MCTP1: variants seen among roughly 807,000 people sequenced by gnomAD.
The protein encoded by MCTP1 is multiple C2 and transmembrane domain containing 1.
Under a neutral mutation model 120.6 loss-of-function variants are expected in MCTP1, and 69 were observed. That is an observed-to-expected ratio of 0.57 (90% CI 0.47 to 0.70). MCTP1 has a LOEUF of 0.70. Among genes scored for constraint, MCTP1 ranks in the 30% least tolerant of loss-of-function variants. MCTP1 has a pLI of 0.00. For synonymous variants in MCTP1, 529 were observed against 493.1 expected (o/e 1.07, Z -0.96); for missense variants, 1,203 against 1,248.8 (o/e 0.96, Z 0.55).
At chr5:95,257,254 G>A (rs956881178) in intron 1 of MCTP1, among the ~76,000 whole-genome samples, 1 of 152,138 alleles carries the variant, frequency 6.6e-6, no homozygotes, top group Non-Finnish European at 1.5e-5. Context: ...TATGATGAGA[G>A]CTTGTGGGAT....
At chr5:95,097,660 T>C (rs1756374089) in intron 1 of MCTP1, among the ~76,000 whole-genome samples, 1 of 152,208 alleles carries the variant, frequency 6.6e-6, no homozygotes, top group South Asian at 2.1e-4. Flanking sequence ...ACAGCTTAGA[T>C]CACTGGAGAC....
intron 1 of MCTP1, among the ~76,000 whole-genome samples, chr5:95,236,688 A>T (rs1362187854): frequency 6.6e-6 from 1 of 152,206 alleles, no homozygotes; most frequent in Non-Finnish European, 1.5e-5. Flanking sequence ...CAAATAGTAG[A>T]TATGGGCTGA....
At chr5:95,078,081 C>T (rs1013558059) in intron 1 of MCTP1, among the ~76,000 whole-genome samples, 1 of 61,014 alleles carries the variant, frequency 1.6e-5, no homozygotes, top group East Asian at 3.9e-4. Flanking sequence ...TTGCAAGACC[C>T]GAGGAAACAT....
At chr5:95,212,140 A>G (rs1046923234) in intron 1 of MCTP1, among the ~76,000 whole-genome samples, 2 of 152,162 alleles carry the variant, frequency 1.3e-5, no homozygotes, top group South Asian at 4.1e-4. Context: ...AAAGAATAAA[A>G]GAGAGAAAAA....
intron 1 of MCTP1, among the ~76,000 whole-genome samples, chr5:95,108,285 T>C (rs1429194126): frequency 6.6e-6 from 1 of 152,024 alleles, no homozygotes; most frequent in African/African-American, 2.4e-5. Flanking sequence ...GTTACAAGAG[T>C]GGCTAGCCCA....
At chr5:94,846,147 T>C (rs562002469) in intron 17 of MCTP1, among the ~76,000 whole-genome samples, 1 of 152,290 alleles carries the variant, frequency 6.6e-6, no homozygotes, top group Non-Finnish European at 1.5e-5. Flanking sequence ...AATCCCACTA[T>C]TGGGTATATA....
chr5:95,246,388 G>C (rs1174255360), intron 1 of MCTP1, among the ~76,000 whole-genome samples: 2 of 151,724 alleles, frequency 1.3e-5, no homozygotes, highest in African/African-American at 4.8e-5. Context: ...CTGGTAAATA[G>C]GATAAAGAGT....
intron 2 of MCTP1, among the ~76,000 whole-genome samples, chr5:94,995,755 A>T (rs1466156065): frequency 6.6e-6 from 1 of 152,176 alleles, no homozygotes; most frequent in Non-Finnish European, 1.5e-5. Flanking sequence ...AGATTAATAG[A>T]TGCATAAAAA....
intron 18 of MCTP1, among the ~76,000 whole-genome samples, chr5:94,790,494 G>C (rs1385738944): frequency 6.6e-6 from 1 of 152,182 alleles, no homozygotes; most frequent in Non-Finnish European, 1.5e-5. Flanking sequence ...AGCAGCTGTG[G>C]GGTGTGTTGG....
chr5:94,800,616 C>G (rs941034127), intron 17 of MCTP1, among the ~76,000 whole-genome samples: 1 of 152,182 alleles, frequency 6.6e-6, no homozygotes, highest in Non-Finnish European at 1.5e-5. Context: ...CATATCTTGA[C>G]AGAGGTCTAT....
intron 1 of MCTP1, among the ~76,000 whole-genome samples, chr5:95,066,316 T>A (rs1444905570): frequency 6.6e-6 from 1 of 152,150 alleles, no homozygotes; most frequent in East Asian, 1.9e-4. Context: ...TCACTTCAGT[T>A]AGAATGGCTA....
intron 1 of MCTP1, among the ~76,000 whole-genome samples, chr5:95,225,279 TA>T: frequency 6.6e-6 from 1 of 152,292 alleles, no homozygotes; most frequent in Non-Finnish European, 1.5e-5. Flanking sequence ...GCATGGCAGT[TA>T]AAAAATCATT....
intron 20 of MCTP1, among the ~76,000 whole-genome samples, chr5:94,714,344 T>A (rs115641268): frequency 2.2e-3 from 329 of 152,304 alleles, no homozygotes; most frequent in African/African-American, 7.7e-3. Flanking sequence ...ATAAATATGA[T>A]TAATTTTTTA....
At chr5:94,772,685 AG>A (rs1774347558) in intron 19 of MCTP1, among the ~76,000 whole-genome samples, 1 of 152,194 alleles carries the variant, frequency 6.6e-6, no homozygotes. Flanking sequence ...AATAGTGAAA[AG>A]TAGTAGAAAC....
chr5:94,909,203 T>A, intron 10 of MCTP1, 48 bp downstream of exon 10: 1 of 1,587,024 alleles, frequency 6.3e-7, no homozygotes, highest in Non-Finnish European at 8.6e-7. Flanking sequence ...AATATTCTTT[T>A]AATAAAAATG....
chr5:94,889,852 C>T (rs377188733), intron 11 of MCTP1, among the ~76,000 whole-genome samples: 1 of 150,966 alleles, frequency 6.6e-6, no homozygotes. Context: ...ACATTTAATC[C>T]CATAAATAAT....
chr5:95,262,361 C>T (rs1758541344), intron 1 of MCTP1, among the ~76,000 whole-genome samples: 1 of 152,128 alleles, frequency 6.6e-6, no homozygotes, highest in African/African-American at 2.4e-5. Flanking sequence ...GCTCCAAGCA[C>T]AGTAACTCCC....
intron 1 of MCTP1, among the ~76,000 whole-genome samples, chr5:95,120,564 A>G (rs1401333493): frequency 6.6e-6 from 1 of 152,242 alleles, no homozygotes; most frequent in Non-Finnish European, 1.5e-5. Flanking sequence ...CATCATACCA[A>G]CAGAATGAAG....
intron 1 of MCTP1, among the ~76,000 whole-genome samples, chr5:95,110,197 C>G (rs941982246): frequency 2.7e-5 from 4 of 150,728 alleles, no homozygotes; most frequent in African/African-American, 7.5e-5. Flanking sequence ...TTTATGGACT[C>G]TCTGCCATAA....
Sources: gnomAD v4.1 joint callset for allele counts (sites outside exome capture counted in the v4.1 genomes callset) on GRCh38, gnomAD v4.1.1 for gene constraint, MANE v1.5 for transcripts, NCBI Gene and HGNC (gene_info 2026-07-23, HGNC 2026-07-21) for gene names.